Variants in DHRSX observed in about 807,000 individuals in gnomAD.
DHRSX encodes dehydrogenase/reductase X-linked.
Under a neutral mutation model 34.0 loss-of-function variants are expected in DHRSX, and 31 were observed. The ratio of observed to expected loss-of-function variants is 0.91; its 90% CI spans 0.69 to 1.23. DHRSX has a LOEUF of 1.23. Among genes scored for constraint, DHRSX ranks in the 50% most tolerant of loss-of-function variants. The pLI, the probability that DHRSX is intolerant of heterozygous loss-of-function variation, is 0.00. For missense variants in DHRSX, 414 were observed against 428.1 expected (o/e 0.97, Z 0.29); for synonymous variants, 201 against 183.8 (o/e 1.09, Z -0.76).
chrX:2,354,051 G>A (rs777440503), intron 3 of DHRSX, among the ~76,000 whole-genome samples: 2 of 152,212 alleles, frequency 1.3e-5, no homozygotes, highest in Admixed American at 6.5e-5. Flanking sequence ...TGGGGAGGAG[G>A]AGGAGACACA....
intron 6 of DHRSX, among the ~76,000 whole-genome samples, chrX:2,222,732 C>T (rs1177695082): frequency 1.3e-5 from 2 of 152,164 alleles, no homozygotes; most frequent in Non-Finnish European, 2.9e-5. Flanking sequence ...CAGGCACACA[C>T]CCTCCAAAAA....
At chrX:2,352,498 T>C (rs941555840) in intron 3 of DHRSX, among the ~76,000 whole-genome samples, 18 of 152,128 alleles carry the variant, frequency 1.2e-4, no homozygotes, top group African/African-American at 4.3e-4. Context: ...GTGACTCAGC[T>C]TTGCTTAGTA....
rs772614603 is a variant in DHRSX at position 2,291,527 on chromosome X, A to T, written c.363T>A (p.Ile121=). ...CATTGTTGATCAGGACATGGAGAGG[A>T]ATCTTCTTCATCTTGAACTTCTGCA... The part of the protein sequence containing the change: ...QFVQKFKMKK[I]PLHVLINNAG... Residue 121 remains isoleucine (I), a synonymous_variant, in exon 4 of 7, where the codon ATT becomes ATA. Transcript: ENST00000334651. 12 of 1,613,922 alleles carry T rather than the reference A, an allele frequency of 7.4e-6. No individual in the cohort carries two copies. In the Middle Eastern group the frequency reaches 8.3e-4, roughly 111 times the overall value.
chrX:2,266,368 T>A, intron 5 of DHRSX, among the ~76,000 whole-genome samples: 2 of 97,158 alleles, frequency 2.1e-5, no homozygotes, highest in East Asian at 3.6e-4. Context: ...GCTCGGCAGA[T>A]GCAGGGAGCA....
At chrX:2,225,962 C>T (rs1194360604) in intron 6 of DHRSX, among the ~76,000 whole-genome samples, 1 of 151,992 alleles carries the variant, frequency 6.6e-6, no homozygotes, top group Non-Finnish European at 1.5e-5. Context: ...CACAGAGGGA[C>T]GACCCTGTGA....
At chrX:2,291,750 G>A in intron 3 of DHRSX, 147 bp from the exon 4 acceptor site, 1 of 658,702 alleles carries the variant, frequency 1.5e-6, no homozygotes, top group Middle Eastern at 4.2e-4. Flanking sequence ...GTCTCGCTCT[G>A]TTGACCGGGC....
intron 1 of DHRSX, among the ~76,000 whole-genome samples, chrX:2,480,923 G>A (rs1378406504): frequency 6.6e-6 from 1 of 151,930 alleles, no homozygotes; most frequent in Non-Finnish European, 1.5e-5. Flanking sequence ...AATACATTGC[G>A]TTTTTCAAAA....
At chrX:2,290,998 C>CA (rs1421772899) in intron 4 of DHRSX, among the ~76,000 whole-genome samples, 1 of 152,000 alleles carries the variant, frequency 6.6e-6, no homozygotes, top group Non-Finnish European at 1.5e-5. Flanking sequence ...CAGCGAGGCT[C>CA]AAAGAAGGGC....
intron 1 of DHRSX, among the ~76,000 whole-genome samples, chrX:2,428,449 G>A (rs1270439621): frequency 6.6e-6 from 1 of 152,146 alleles, no homozygotes; most frequent in African/African-American, 2.4e-5. Context: ...CATAAAAAAG[G>A]ATGGGTTCAT....
intron 3 of DHRSX, among the ~76,000 whole-genome samples, chrX:2,373,966 G>C (rs1185758673): frequency 6.6e-6 from 1 of 152,186 alleles, no homozygotes; most frequent in African/African-American, 2.4e-5. Flanking sequence ...CGTAAAGTAA[G>C]TTCCTGTAGC....
chrX:2,371,274 A>G (rs1050034406), intron 3 of DHRSX, among the ~76,000 whole-genome samples: 3 of 134,772 alleles, frequency 2.2e-5, no homozygotes, highest in African/African-American at 9.1e-5. Flanking sequence ...AGACCCTTCT[A>G]CTTCTGTTAC....
chrX:2,491,631 T>A (rs1419209734), intron 1 of DHRSX, among the ~76,000 whole-genome samples: 1 of 152,146 alleles, frequency 6.6e-6, no homozygotes, highest in Non-Finnish European at 1.5e-5. Flanking sequence ...TAAGAGGCAC[T>A]GCACACTCTT....
chrX:2,229,165 C>T (rs191912534), intron 6 of DHRSX, among the ~76,000 whole-genome samples: 2 of 152,196 alleles, frequency 1.3e-5, no homozygotes, highest in South Asian at 2.1e-4. Context: ...ATTTTAGCAC[C>T]GTCCACATCT....
chrX:2,270,093 A>G (rs2124466907), intron 4 of DHRSX, among the ~76,000 whole-genome samples: 1 of 152,192 alleles, frequency 6.6e-6, no homozygotes, highest in South Asian at 2.1e-4. Context: ...ATGCATTTGT[A>G]TATGTGCTTG....
At position 2,427,103 on chromosome X, in the gene DHRSX, G is replaced by T. The variant is rs138208715; in HGVS notation, c.110-1799C>A. 3.4e-3 allele frequency among the ~76,000 whole-genome samples: 511 copies of T among 152,318 alleles called. 2 individuals are homozygous for T. The highest frequency in any genetic ancestry group is 0.014 in the Middle Eastern group (4 of 294). ...CTTCCAGTTATGAATGAACTTCAAAGGAAGAAGAGGAAAGGGAGAAGCAGT... is the reference window on the plus strand; with the variant it reads ...CTTCCAGTTATGAATGAACTTCAAATGAAGAAGAGGAAAGGGAGAAGCAGT... On this transcript the variant is annotated intron_variant, in intron 1 of 6. Transcript: ENST00000334651.
intron 3 of DHRSX, among the ~76,000 whole-genome samples, chrX:2,380,067 C>T (rs1039547565): frequency 2.0e-4 from 31 of 151,896 alleles, no homozygotes; most frequent in African/African-American, 6.8e-4. Context: ...GAGGCCGAGG[C>T]GGGCAAACCA....
intron 4 of DHRSX, among the ~76,000 whole-genome samples, chrX:2,289,782 G>T (rs1413726517): frequency 1.3e-5 from 2 of 152,188 alleles, no homozygotes; most frequent in Non-Finnish European, 2.9e-5. Context: ...ATTCCAAATG[G>T]CTGCTGACTG....
chrX:2,338,997 A>C (rs73630278), intron 3 of DHRSX, among the ~76,000 whole-genome samples: 3,134 of 152,064 alleles, frequency 0.021, 54 homozygotes, highest in South Asian at 0.061. Context: ...ATGGAATGAT[A>C]ATCCATATAA....
intron 1 of DHRSX, among the ~76,000 whole-genome samples, chrX:2,455,066 C>G (rs1252869894): frequency 2.7e-5 from 4 of 150,028 alleles, no homozygotes; most frequent in Non-Finnish European, 5.9e-5. Flanking sequence ...GAGTCAAGAT[C>G]ACACAATTGA....
Sources: gnomAD v4.1 joint callset for allele counts (sites outside exome capture counted in the v4.1 genomes callset) on GRCh38, gnomAD v4.1.1 for gene constraint, MANE v1.5 for transcripts, NCBI Gene and HGNC (gene_info 2026-07-23, HGNC 2026-07-21) for gene names.